IMMP2L: variants seen among roughly 807,000 people sequenced by gnomAD.
IMMP2L encodes mitochondrial inner membrane protease subunit 2.
Under a neutral mutation model 19.3 loss-of-function variants are expected in IMMP2L, and 18 were observed. The ratio of observed to expected loss-of-function variants is 0.93; its 90% CI spans 0.64 to 1.38. IMMP2L has a LOEUF of 1.38. Among genes scored for constraint, IMMP2L ranks in the 40% most tolerant of loss-of-function variants. The pLI, the probability that IMMP2L is intolerant of heterozygous loss-of-function variation, is 0.00. For missense variants in IMMP2L, 233 were observed against 218.2 expected, an observed-to-expected ratio of 1.07 and a Z score of -0.43; for synonymous variants, 76 against 73.0, an observed-to-expected ratio of 1.04 and a Z score of -0.21.
At chr7:110,716,081 C>G (rs1182044208) in intron 5 of IMMP2L, among the ~76,000 whole-genome samples, 1 of 151,412 alleles carries the variant, frequency 6.6e-6, no homozygotes. Flanking sequence ...GAATAGTGAC[C>G]CCTGCTTTTT....
intron 3 of IMMP2L, among the ~76,000 whole-genome samples, chr7:110,999,618 A>T (rs1362896163): frequency 6.6e-6 from 1 of 151,948 alleles, no homozygotes; most frequent in African/African-American, 2.4e-5. Flanking sequence ...AAAAAAAAAA[A>T]AAAAACCAAG....
At chr7:111,231,256 A>G (rs79508687) in intron 3 of IMMP2L, among the ~76,000 whole-genome samples, 1,788 of 152,058 alleles carry the variant, frequency 0.012, 37 homozygotes, top group African/African-American at 0.04. Context: ...ATTTGCTGCT[A>G]CTACAATTAA....
intron 5 of IMMP2L, among the ~76,000 whole-genome samples, chr7:110,831,204 T>G (rs1803942782): frequency 6.6e-6 from 1 of 152,112 alleles, no homozygotes; most frequent in Non-Finnish European, 1.5e-5. Context: ...TCCTCATGTT[T>G]CAAATCTCTC....
chr7:110,667,356 G>A (rs531554347), intron 5 of IMMP2L, among the ~76,000 whole-genome samples: 3 of 152,074 alleles, frequency 2.0e-5, no homozygotes, highest in South Asian at 2.1e-4. Flanking sequence ...TTAAAGATGT[G>A]GTAGGCAGAA....
At chr7:110,952,918 A>G (rs771448699) in intron 4 of IMMP2L, among the ~76,000 whole-genome samples, 51 of 152,116 alleles carry the variant, frequency 3.4e-4, no homozygotes, top group Non-Finnish European at 6.2e-4. Context: ...TAGATCACAT[A>G]TCATTGCTAC....
chr7:111,471,271 C>T (rs530820110), intron 3 of IMMP2L, among the ~76,000 whole-genome samples: 1 of 152,074 alleles, frequency 6.6e-6, no homozygotes, highest in South Asian at 2.1e-4. Flanking sequence ...GAAATAAGAG[C>T]AAAATGTACT....
At chr7:111,004,570 T>C (rs1277265588) in intron 3 of IMMP2L, among the ~76,000 whole-genome samples, 1 of 107,422 alleles carries the variant, frequency 9.3e-6, no homozygotes, top group African/African-American at 4.0e-5. Flanking sequence ...TCTCACCTCA[T>C]TGCAAAATAG....
chr7:110,768,940 G>C (rs1390722315), intron 5 of IMMP2L, among the ~76,000 whole-genome samples: 1 of 152,114 alleles, frequency 6.6e-6, no homozygotes, highest in Non-Finnish European at 1.5e-5. Context: ...AATGACTATT[G>C]ATTGCTTACA....
chr7:111,252,697 G>C (rs1816284645), intron 3 of IMMP2L, among the ~76,000 whole-genome samples: 1 of 152,102 alleles, frequency 6.6e-6, no homozygotes, highest in African/African-American at 2.4e-5. Flanking sequence ...AACTTGTGAA[G>C]AATCTACTTA....
At chr7:110,737,449 T>A (rs1796711372) in intron 5 of IMMP2L, among the ~76,000 whole-genome samples, 2 of 152,100 alleles carry the variant, frequency 1.3e-5, no homozygotes, top group African/African-American at 4.8e-5. Flanking sequence ...GAAACCTTAA[T>A]CCTTCTGGGA....
chr7:110,949,140 G>A (rs1002449405), intron 4 of IMMP2L, among the ~76,000 whole-genome samples: 2 of 152,090 alleles, frequency 1.3e-5, no homozygotes, highest in African/African-American at 2.4e-5. Context: ...GCCTGTTATG[G>A]CAGTTCTCAG....
intron 3 of IMMP2L, among the ~76,000 whole-genome samples, chr7:110,988,076 T>A (rs1402111942): frequency 6.6e-6 from 1 of 152,148 alleles, no homozygotes; most frequent in Non-Finnish European, 1.5e-5. Context: ...TTCTCAGTAT[T>A]TAGAAGATTA....
At chr7:111,416,957 A>G (rs951750150) in intron 3 of IMMP2L, among the ~76,000 whole-genome samples, 2 of 151,748 alleles carry the variant, frequency 1.3e-5, no homozygotes, top group Admixed American at 1.3e-4. Context: ...CCAATACAGT[A>G]ACCATAAACT....
At chr7:110,865,767 A>G (rs1308356033) in intron 5 of IMMP2L, among the ~76,000 whole-genome samples, 1 of 151,914 alleles carries the variant, frequency 6.6e-6, no homozygotes, top group Non-Finnish European at 1.5e-5. Context: ...ACAGCTTTTC[A>G]TTTTTAGTAT....
chr7:111,428,924 A>G (rs1003036420), intron 3 of IMMP2L, among the ~76,000 whole-genome samples: 3 of 151,874 alleles, frequency 2.0e-5, no homozygotes, highest in African/African-American at 4.9e-5. Context: ...TTAAAAGTGT[A>G]AAAATAAAAT....
chr7:111,487,844 A>C (rs1050630538), intron 2 of IMMP2L, among the ~76,000 whole-genome samples: 1 of 152,168 alleles, frequency 6.6e-6, no homozygotes, highest in Non-Finnish European at 1.5e-5. Context: ...AAATGTATGG[A>C]TTTCCCACTT....
chr7:111,514,490 C>T (rs761982461), intron 2 of IMMP2L, among the ~76,000 whole-genome samples: 3 of 151,954 alleles, frequency 2.0e-5, no homozygotes, highest in Non-Finnish European at 4.4e-5. Context: ...GCACATTGTG[C>T]ACATGTACCC....
intron 1 of IMMP2L, among the ~76,000 whole-genome samples, chr7:111,556,554 C>G (rs75873743): frequency 0.011 from 1,602 of 152,132 alleles, 32 homozygotes; most frequent in African/African-American, 0.035. Context: ...GTCCTTTACC[C>G]ACAGCACGAT....
chr7:111,332,943 T>TA (rs1422787065), intron 3 of IMMP2L, among the ~76,000 whole-genome samples: 1 of 152,070 alleles, frequency 6.6e-6, no homozygotes, highest in African/African-American at 2.4e-5. Context: ...ACAATGGAGG[T>TA]AAGGGATATC....
Sources: gnomAD v4.1 joint callset for allele counts (sites outside exome capture counted in the v4.1 genomes callset) on GRCh38, gnomAD v4.1.1 for gene constraint, MANE v1.5 for transcripts, NCBI Gene and HGNC (gene_info 2026-07-23, HGNC 2026-07-21) for gene names.